The following ATAD2B variants were observed in gnomAD, a reference collection of about 807,000 sequenced individuals.
ATAD2B encodes ATPase family AAA domain-containing protein 2B.
ATAD2B carries 40 observed loss-of-function variants against 167.6 expected under a neutral mutation model. The ratio of observed to expected loss-of-function variants is 0.24; its 90% confidence interval spans 0.19 to 0.31. ATAD2B has a LOEUF of 0.31. ATAD2B is among the 10% of genes least tolerant of loss of function. ATAD2B has a pLI of 1.00. For synonymous variants in ATAD2B, 579 were observed against 596.5 expected (o/e 0.97, Z 0.43); for missense variants, 1,242 against 1,757.2 (o/e 0.71, Z 5.24).
At chr2:23,885,127 G>A (rs1353419793) in intron 5 of ATAD2B, among the ~76,000 whole-genome samples, 1 of 152,144 alleles carries the variant, frequency 6.6e-6, no homozygotes, top group Non-Finnish European at 1.5e-5. Context: ...TTACAGCCTA[G>A]TAGGAGGGAA....
At chr2:23,796,915 G>A (rs557476002) in intron 19 of ATAD2B, among the ~76,000 whole-genome samples, 1 of 152,082 alleles carries the variant, frequency 6.6e-6, no homozygotes, top group African/African-American at 2.4e-5. Flanking sequence ...CAATACCCTG[G>A]TTTTTCTAAC....
At chr2:23,809,218 T>G (rs1393828694) in intron 18 of ATAD2B, 1 of 152,160 alleles carries the variant, frequency 6.6e-6, no homozygotes, top group African/African-American at 2.4e-5. Flanking sequence ...TCAACATTAT[T>G]GGAAAACACA....
chr2:23,902,417 T>C (rs1353194957), intron 1 of ATAD2B, among the ~76,000 whole-genome samples: 1 of 152,176 alleles, frequency 6.6e-6, no homozygotes, highest in Non-Finnish European at 1.5e-5. Context: ...TTCAGCACCA[T>C]TTAATTAACT....
In ATAD2B at chr2:23,895,813, T is replaced by G. The variant is rs746574211; in HGVS notation, c.368+6A>C. On this transcript the variant is annotated splice_donor_region_variant and intron_variant, in intron 2 of 27. Coordinates refer to ENST00000238789, the MANE Select transcript of ATAD2B (RefSeq NM_017552.4). ...AAAAAACAATCAATGAGTTCTCCTT[T>G]CTCACCTGGCCTGTCCAGTTGATAA... 2 of 1,589,114 alleles carry G rather than the reference T, an allele frequency of 1.3e-6. No homozygotes were observed. The highest frequency in any genetic ancestry group is 1.1e-5 in the South Asian group (1 of 87,258).
chr2:23,813,578 A>AT (rs1348754951), intron 17 of ATAD2B, among the ~76,000 whole-genome samples: 2 of 146,090 alleles, frequency 1.4e-5, no homozygotes, highest in African/African-American at 2.5e-5. Flanking sequence ...TCTACAAAAA[A>AT]TTAAAAAAAA....
chr2:23,725,687 A>T, the ATAD2B span, among the ~76,000 whole-genome samples: 9 of 152,352 alleles, frequency 5.9e-5, no homozygotes, highest in South Asian at 2.1e-4. Context: ...CTCAAACTTT[A>T]AATAATCCGA....
chr2:23,709,319 G>A, the ATAD2B span, among the ~76,000 whole-genome samples: 4 of 152,288 alleles, frequency 2.6e-5, no homozygotes, highest in East Asian at 7.7e-4. Flanking sequence ...TGGGATTATA[G>A]GCGTGAGCCA....
At chr2:23,806,451 G>A (rs1423605988) in intron 18 of ATAD2B, among the ~76,000 whole-genome samples, 3 of 152,064 alleles carry the variant, frequency 2.0e-5, no homozygotes, top group East Asian at 1.9e-4. Flanking sequence ...TCTTGCACAG[G>A]CATACTTTCT....
At chr2:23,916,417 C>T (rs752313547) in intron 1 of ATAD2B, among the ~76,000 whole-genome samples, 35 of 151,996 alleles carry the variant, frequency 2.3e-4, no homozygotes, top group Non-Finnish European at 4.1e-4. Flanking sequence ...TTTTTTTAAC[C>T]AACTTCTAAA....
intron 1 of ATAD2B, among the ~76,000 whole-genome samples, chr2:23,918,327 C>T (rs987566513): frequency 3.3e-5 from 5 of 151,632 alleles, no homozygotes; most frequent in Non-Finnish European, 7.4e-5. Flanking sequence ...GCTGTGATTG[C>T]ACTACTGCAC....
intron 22 of ATAD2B, among the ~76,000 whole-genome samples, chr2:23,781,978 T>A (rs571938941): frequency 6.6e-6 from 1 of 152,186 alleles, no homozygotes; most frequent in South Asian, 2.1e-4. Context: ...CACACACAGC[T>A]AATTTTTGTA....
intron 1 of ATAD2B, among the ~76,000 whole-genome samples, chr2:23,915,920 T>C (rs1702986664): frequency 1.3e-5 from 2 of 152,148 alleles, no homozygotes. Context: ...TTAACTATGC[T>C]GACTTCAGAT....
chr2:23,829,214 A>G (rs1688684395), intron 14 of ATAD2B, among the ~76,000 whole-genome samples: 1 of 152,220 alleles, frequency 6.6e-6, no homozygotes, highest in African/African-American at 2.4e-5. Context: ...CTAGCAGCAT[A>G]TAACAACTAA....
Position 23,893,724 on chromosome 2 carries a change from C to T in ATAD2B, c.368+2095G>A, listed in dbSNP as rs562970076. 7.0e-5 allele frequency among the ~76,000 whole-genome samples: 10 copies of T among 143,702 alleles called. No homozygotes were observed. In the South Asian group the frequency reaches 2.0e-3, roughly 28 times the overall value. The allele number at this position is 143,702 out of a possible 152,430, so 94.3% of individuals were successfully genotyped here. The stretch of plus-strand genomic sequence containing the variant: ...TCACTCTGCCACCCGGGATGGAGTG[C>T]GATGGCGTGATCACAGCTCACTGTA... On this transcript the variant is annotated intron_variant, in intron 2 of 27. Transcript: ENST00000238789.
the ATAD2B span, among the ~76,000 whole-genome samples, chr2:23,717,876 T>G: frequency 6.6e-6 from 1 of 151,884 alleles, no homozygotes; most frequent in African/African-American, 2.4e-5. Context: ...GTAAAATAAC[T>G]CAGGGAGAAT....
intron 22 of ATAD2B, among the ~76,000 whole-genome samples, chr2:23,778,966 C>T (rs1457276891): frequency 6.6e-6 from 1 of 152,092 alleles, no homozygotes; most frequent in Non-Finnish European, 1.5e-5. Context: ...TGCTCAAAAC[C>T]ACTACATATA....
At chr2:23,826,559 G>C (rs1688290049) in intron 15 of ATAD2B, among the ~76,000 whole-genome samples, 1 of 152,040 alleles carries the variant, frequency 6.6e-6, no homozygotes, top group Non-Finnish European at 1.5e-5. Flanking sequence ...CTGCTATTAA[G>C]CTAGAAATTG....
intron 22 of ATAD2B, among the ~76,000 whole-genome samples, chr2:23,771,723 G>C (rs1226192741): frequency 1.3e-5 from 2 of 151,756 alleles, no homozygotes; most frequent in African/African-American, 4.8e-5. Context: ...TGGTTTATTA[G>C]CTCTAACTCT....
intron 8 of ATAD2B, among the ~76,000 whole-genome samples, chr2:23,870,311 GTGTCTCA>G (rs1695755475): frequency 1.1e-5 from 1 of 94,486 alleles, no homozygotes; most frequent in South Asian, 3.6e-4. Flanking sequence ...TTTTGAGACA[GTGTCTCA>G]CTCTGTCACC....
Sources: allele counts gnomAD v4.1 joint callset (sites outside exome capture counted in the v4.1 genomes callset), GRCh38; gene constraint gnomAD v4.1.1; transcripts MANE v1.5; gene names NCBI Gene and HGNC (gene_info 2026-07-23, HGNC 2026-07-21).